MOB3B: variants seen among roughly 807,000 people sequenced by gnomAD.
The protein encoded by MOB3B is MOB kinase activator-like 2B.
MOB3B carries 7 observed loss-of-function variants against 18.7 expected under a neutral mutation model. That is an observed-to-expected ratio of 0.37 (90% CI 0.21 to 0.70). MOB3B has a LOEUF of 0.70. Among genes scored for constraint, MOB3B ranks in the 30% least tolerant of loss-of-function variants. The pLI is 0.52. For missense variants in MOB3B, 253 were observed against 281.3 expected (o/e 0.90, Z 0.72); for synonymous variants, 111 against 99.9 (o/e 1.11, Z -0.66).
intron 1 of MOB3B, among the ~76,000 whole-genome samples, chr9:27,478,025 T>C (rs191309259): frequency 1.8e-3 from 269 of 152,144 alleles, no homozygotes; most frequent in African/African-American, 6.1e-3. Flanking sequence ...TGAATTGTGC[T>C]CCAGTATCAG....
rs1820712488 is a variant in MOB3B, at chr9:27,326,389, T to C, written c.*4198A>G. ...GATATGCAAATAAAGCTCTGATTAATTGTATTTTCACTTATTATATATCAT... is the reference window on the plus strand; with the variant it reads ...GATATGCAAATAAAGCTCTGATTAACTGTATTTTCACTTATTATATATCAT... On this transcript the variant is annotated 3_prime_UTR_variant, in exon 4 of 4. Coordinates refer to ENST00000262244, the MANE Select transcript of MOB3B (RefSeq NM_024761.5). 5.0e-6 allele frequency: 2 copies of C among 398,426 alleles called. No homozygotes were observed. Among genetic ancestry groups the C allele is most frequent in the East Asian group, 7.1e-5 (2 of 28,056 alleles). 24.7% of individuals were successfully genotyped at this position (398,426 alleles called of 1,614,324 possible).
intron 1 of MOB3B, among the ~76,000 whole-genome samples, chr9:27,515,684 C>A (rs992848832): frequency 4.6e-5 from 7 of 152,082 alleles, no homozygotes; most frequent in African/African-American, 1.7e-4. Context: ...ACTCATATAC[C>A]ACATTTCTCT....
At chr9:27,354,633 T>C (rs1414287458) in intron 3 of MOB3B, among the ~76,000 whole-genome samples, 1 of 152,178 alleles carries the variant, frequency 6.6e-6, no homozygotes, top group Non-Finnish European at 1.5e-5. Context: ...TGTAATCCCT[T>C]TGAATGGAGG....
At chr9:27,396,384 C>T (rs1280029040) in intron 2 of MOB3B, among the ~76,000 whole-genome samples, 1 of 152,142 alleles carries the variant, frequency 6.6e-6, no homozygotes, top group East Asian at 1.9e-4. Flanking sequence ...AATCGGTTAT[C>T]CCCAAGCCCA....
At chr9:27,342,179 A>G (rs1051157514) in intron 3 of MOB3B, among the ~76,000 whole-genome samples, 5 of 151,988 alleles carry the variant, frequency 3.3e-5, no homozygotes, top group Admixed American at 2.0e-4. Context: ...AAGCTGGCTG[A>G]CCTCGCGTCG....
intron 3 of MOB3B, among the ~76,000 whole-genome samples, chr9:27,340,941 C>G (rs1377224200): frequency 6.6e-6 from 1 of 152,238 alleles, no homozygotes; most frequent in Non-Finnish European, 1.5e-5. Flanking sequence ...TGCTGCTGCC[C>G]CTTGTTCTGG....
chr9:27,480,522 G>C (rs996707991), intron 1 of MOB3B, among the ~76,000 whole-genome samples: 2 of 152,100 alleles, frequency 1.3e-5, no homozygotes, highest in Non-Finnish European at 1.5e-5. Context: ...GGATGGTCTT[G>C]ATCTCCTGAC....
chr9:27,355,279 C>T (rs1821169167), intron 3 of MOB3B, among the ~76,000 whole-genome samples: 1 of 152,064 alleles, frequency 6.6e-6, no homozygotes, highest in Non-Finnish European at 1.5e-5. Flanking sequence ...GGGGGGGTCT[C>T]AGAGTTCCAT....
At chr9:27,450,238 T>C (rs1822764103) in intron 2 of MOB3B, among the ~76,000 whole-genome samples, 1 of 152,190 alleles carries the variant, frequency 6.6e-6, no homozygotes, top group African/African-American at 2.4e-5. Flanking sequence ...AGAATCAATT[T>C]AGAGCAACTA....
chr9:27,330,422 G>A lies in MOB3B; in HGVS notation c.*165C>T. On this transcript the variant is annotated 3_prime_UTR_variant, in exon 4 of 4. Coordinates refer to ENST00000262244, the MANE Select transcript of MOB3B (RefSeq NM_024761.5). ...GCTAGCAGCACTCAGAAGGTTAAGA[G>A]CACACAAAGTGAGTGGGGAATGTCT... 1 of 836,898 alleles carries A rather than the reference G, an allele frequency of 1.2e-6. No homozygotes were observed. Among genetic ancestry groups the A allele is most frequent in the South Asian group, 1.8e-5 (1 of 55,316 alleles). 51.8% of individuals were successfully genotyped at this position (836,898 alleles called of 1,614,324 possible). A position where few individuals can be genotyped will look rare whatever the true frequency, so the allele number is the denominator to read the frequency against.
chr9:27,340,419 A>T (rs777341895), intron 3 of MOB3B, among the ~76,000 whole-genome samples: 1 of 152,254 alleles, frequency 6.6e-6, no homozygotes, highest in Non-Finnish European at 1.5e-5. Flanking sequence ...TTATAAAGAC[A>T]GAGCTGCACA....
rs369436250 is a variant in MOB3B at position 27,410,959 on chromosome 9, T to C, written c.418+44174A>G. On this transcript the variant is annotated intron_variant, in intron 2 of 3. Coordinates refer to ENST00000262244, the MANE Select transcript of MOB3B (RefSeq NM_024761.5). ...TATTCTTTGAAAACATGATTTTTAA[T>C]GGCTGTCCAAAATTGTATCTGTGGA... Among the ~76,000 whole-genome samples, 48 of 152,358 alleles carry C rather than the reference T, an allele frequency of 3.2e-4. No individual in the cohort carries two copies. In the South Asian group the frequency reaches 4.6e-3, roughly 14 times the overall value.
At chr9:27,507,981 T>C (rs963342627) in intron 1 of MOB3B, among the ~76,000 whole-genome samples, 1 of 152,194 alleles carries the variant, frequency 6.6e-6, no homozygotes, top group Non-Finnish European at 1.5e-5. Flanking sequence ...TGAGTTTTTG[T>C]TTATCTGTTT....
chr9:27,331,381 C>T (rs1317786676), intron 3 of MOB3B, among the ~76,000 whole-genome samples: 1 of 152,230 alleles, frequency 6.6e-6, no homozygotes, highest in African/African-American at 2.4e-5. Flanking sequence ...CCTTCCCGCA[C>T]TCCTGCCCCA....
chr9:27,458,322 T>G (rs1587230471), intron 1 of MOB3B, among the ~76,000 whole-genome samples: 1 of 152,204 alleles, frequency 6.6e-6, no homozygotes, highest in Middle Eastern at 3.4e-3. Flanking sequence ...CAGGCTCTTG[T>G]GGATGCCATC....
intron 1 of MOB3B, among the ~76,000 whole-genome samples, chr9:27,463,878 C>T (rs1480932314): frequency 2.0e-4 from 30 of 151,968 alleles, no homozygotes; most frequent in Admixed American, 2.0e-3. Flanking sequence ...ATCACCTGAG[C>T]CTGGGGATGT....
chr9:27,428,122 T>A (rs1318680878), intron 2 of MOB3B, among the ~76,000 whole-genome samples: 1 of 152,194 alleles, frequency 6.6e-6, no homozygotes, highest in Non-Finnish European at 1.5e-5. Context: ...TATTACAGGC[T>A]ATCCATGCAT....
intron 2 of MOB3B, among the ~76,000 whole-genome samples, chr9:27,374,129 G>A (rs1821459180): frequency 6.6e-6 from 1 of 152,008 alleles, no homozygotes; most frequent in South Asian, 2.1e-4. Flanking sequence ...CAGCCCTGGA[G>A]TCCCTTTGAA....
chr9:27,330,664 C>T (rs1322337657), intron 3 of MOB3B, 48 bp from the exon 4 acceptor site: 1 of 1,612,402 alleles, frequency 6.2e-7, no homozygotes, highest in Admixed American at 1.7e-5. Flanking sequence ...ATAAGCAGAG[C>T]AACGATTTGG....
Sources: allele counts gnomAD v4.1 joint callset (sites outside exome capture counted in the v4.1 genomes callset), GRCh38; gene constraint gnomAD v4.1.1; transcripts MANE v1.5; gene names NCBI Gene and HGNC (gene_info 2026-07-23, HGNC 2026-07-21).